The following MAML3 variants were observed in gnomAD, a reference collection of about 807,000 sequenced individuals.
MAML3 encodes mastermind like transcriptional coactivator 3.
A neutral mutation model predicts 101.9 loss-of-function variants in MAML3; 27 were observed. That is an observed-to-expected ratio of 0.27 (90% CI 0.20 to 0.37). The LOEUF (loss-of-function observed/expected upper bound fraction) is 0.37, where lower values mean the gene tolerates loss of function less well. Ranked by LOEUF, MAML3 falls within the 10% of genes least tolerant of loss-of-function variation. The pLI, the probability that MAML3 is intolerant of heterozygous loss-of-function variation, is 1.00. For missense variants in MAML3, 1,316 were observed against 1,444.9 expected, an observed-to-expected ratio of 0.91 and a Z score of 1.45; for synonymous variants, 501 against 555.9, an observed-to-expected ratio of 0.90 and a Z score of 1.39.
At chr4:139,873,150 G>C (rs183194739) in intron 2 of MAML3, among the ~76,000 whole-genome samples, 1 of 152,200 alleles carries the variant, frequency 6.6e-6, no homozygotes, top group Admixed American at 6.5e-5. Context: ...TTAAATAAAA[G>C]CAAGGCTTCA....
chr4:139,949,246 A>C (rs1488472908), intron 1 of MAML3, among the ~76,000 whole-genome samples: 1 of 151,918 alleles, frequency 6.6e-6, no homozygotes, highest in East Asian at 1.9e-4. Flanking sequence ...TGGTATCTTG[A>C]CCTCGTGATC....
chr4:139,791,062 T>C (rs1730399948), intron 2 of MAML3, among the ~76,000 whole-genome samples: 1 of 152,220 alleles, frequency 6.6e-6, no homozygotes, highest in African/African-American at 2.4e-5. Context: ...GGCTTAAAGA[T>C]AACTTAGATA....
chr4:139,941,740 G>T (rs527921258), intron 1 of MAML3, among the ~76,000 whole-genome samples: 1 of 152,296 alleles, frequency 6.6e-6, no homozygotes, highest in South Asian at 2.1e-4. Flanking sequence ...AGACAGTGAT[G>T]ATCAGCTTTG....
At chr4:139,852,413 T>G (rs1000013561) in intron 2 of MAML3, among the ~76,000 whole-genome samples, 6 of 135,614 alleles carry the variant, frequency 4.4e-5, no homozygotes, top group Admixed American at 1.5e-4. Flanking sequence ...GTTTTTTTTT[T>G]TTTTTTTTTT....
At chr4:140,058,890 G>A (rs532685133) in intron 1 of MAML3, among the ~76,000 whole-genome samples, 26 of 152,236 alleles carry the variant, frequency 1.7e-4, no homozygotes, top group African/African-American at 2.2e-4. Flanking sequence ...AAAGAGAATC[G>A]GTATGAGACA....
chr4:139,772,133 G>A (rs1381784740), intron 2 of MAML3, among the ~76,000 whole-genome samples: 3 of 148,386 alleles, frequency 2.0e-5, no homozygotes, highest in Non-Finnish European at 4.5e-5. Flanking sequence ...CCAGCTACTG[G>A]GGAAGCTGAG....
chr4:139,980,811 A>G (rs1369945791), intron 1 of MAML3, among the ~76,000 whole-genome samples: 1 of 152,154 alleles, frequency 6.6e-6, no homozygotes, highest in Non-Finnish European at 1.5e-5. Context: ...TAAACAAGTA[A>G]TAATAATAAT....
chr4:140,103,314 C>T (rs1189571025), intron 1 of MAML3, among the ~76,000 whole-genome samples: 1 of 152,156 alleles, frequency 6.6e-6, no homozygotes, highest in Non-Finnish European at 1.5e-5. Flanking sequence ...GGTTTTTCTC[C>T]CTCTTTCAGA....
At chr4:139,780,318 C>T (rs527896057) in intron 2 of MAML3, among the ~76,000 whole-genome samples, 25 of 152,228 alleles carry the variant, frequency 1.6e-4, no homozygotes, top group Non-Finnish European at 2.8e-4. Context: ...TTTACCTTTG[C>T]GGTAAAGAAG....
intron 1 of MAML3, among the ~76,000 whole-genome samples, chr4:139,973,379 T>C (rs544085094): frequency 6.6e-6 from 1 of 152,340 alleles, no homozygotes; most frequent in African/African-American, 2.4e-5. Context: ...TTAGGTCACA[T>C]GCAGGCCAAA....
At chr4:139,779,241 TG>T (rs199822269) in intron 2 of MAML3, among the ~76,000 whole-genome samples, 3 of 151,980 alleles carry the variant, frequency 2.0e-5, no homozygotes, top group East Asian at 3.9e-4. Flanking sequence ...GAATAGTCTT[TG>T]GGGGGGCTCT....
At position 139,717,193 on chromosome 4, in the gene MAML3, T is replaced by G. The variant is rs1728011458; in HGVS notation, c.*2130A>C. The G allele has an allele frequency of 6.6e-6, 1 of 152,564 alleles. No homozygotes were observed. Among genetic ancestry groups the G allele is most frequent in the Admixed American group, 6.5e-5 (1 of 15,272 alleles). The allele number at this position is 152,564 out of a possible 1,614,324, so 9.5% of individuals were successfully genotyped here. ...CCAAAACAAAACCACCATATTAAAATCTACCTATTAGTTGGTCCCAGTACT... is the reference window on the plus strand; with the variant it reads ...CCAAAACAAAACCACCATATTAAAAGCTACCTATTAGTTGGTCCCAGTACT... On this transcript the variant is annotated 3_prime_UTR_variant, in exon 5 of 5. Transcript: ENST00000509479.
intron 2 of MAML3, among the ~76,000 whole-genome samples, chr4:139,850,735 C>T (rs756008534): frequency 1.3e-5 from 2 of 151,808 alleles, no homozygotes; most frequent in East Asian, 3.9e-4. Context: ...TAAAGACGGG[C>T]GTTTCACCAT....
chr4:139,928,250 C>G (rs1733306371), intron 1 of MAML3, among the ~76,000 whole-genome samples: 1 of 152,134 alleles, frequency 6.6e-6, no homozygotes, highest in African/African-American at 2.4e-5. Flanking sequence ...ATAATAAGCT[C>G]TAAACTCATT....
chr4:139,779,214 T>C (rs926695840), intron 2 of MAML3, among the ~76,000 whole-genome samples: 1 of 152,070 alleles, frequency 6.6e-6, no homozygotes, highest in Non-Finnish European at 1.5e-5. Flanking sequence ...TTGCCCTAAT[T>C]TCCCTAAAGA....
chr4:139,949,192 A>AT (rs1733791340), intron 1 of MAML3, among the ~76,000 whole-genome samples: 1 of 151,588 alleles, frequency 6.6e-6, no homozygotes. Flanking sequence ...ATTTTTTTGT[A>AT]TTTTCCTAGA....
At chr4:139,958,225 G>A (rs887872067) in intron 1 of MAML3, among the ~76,000 whole-genome samples, 2 of 152,150 alleles carry the variant, frequency 1.3e-5, no homozygotes, top group African/African-American at 4.8e-5. Flanking sequence ...CTTGCTGGGT[G>A]TTTCATGTGG....
At chr4:140,032,067 TAACTC>T (rs1244761211) in intron 1 of MAML3, among the ~76,000 whole-genome samples, 1 of 152,246 alleles carries the variant, frequency 6.6e-6, no homozygotes, top group Non-Finnish European at 1.5e-5. Context: ...ACTTGGATCT[TAACTC>T]TACTTAGCCT....
intron 2 of MAML3, among the ~76,000 whole-genome samples, chr4:139,845,118 T>C (rs1469240271): frequency 2.0e-5 from 3 of 152,150 alleles, no homozygotes; most frequent in Non-Finnish European, 4.4e-5. Flanking sequence ...ACAAATTACT[T>C]AGACAGAATC....
Sources: gnomAD v4.1 joint callset for allele counts (sites outside exome capture counted in the v4.1 genomes callset) on GRCh38, gnomAD v4.1.1 for gene constraint, MANE v1.5 for transcripts, NCBI Gene and HGNC (gene_info 2026-07-23, HGNC 2026-07-21) for gene names.